Variants in CLIP2 observed in about 807,000 individuals in gnomAD.
CLIP2 encodes the protein CAP-Gly domain-containing linker protein 2.
CLIP2 carries 41 observed loss-of-function variants against 111.7 expected under a neutral mutation model. The observed-to-expected ratio is 0.37, with a 90% CI of 0.29 to 0.48. The LOEUF (loss-of-function observed/expected upper bound fraction) is 0.48, where lower values mean the gene tolerates loss of function less well. Among genes scored for constraint, CLIP2 ranks in the 20% least tolerant of loss-of-function variants. The pLI is 0.99. For synonymous variants in CLIP2, 660 were observed against 644.2 expected, an observed-to-expected ratio of 1.02 and a Z score of -0.37; for missense variants, 1,160 against 1,422.1, an observed-to-expected ratio of 0.82 and a Z score of 2.96.
chr7:74,384,301 T>C (rs960615187), intron 11 of CLIP2, among the ~76,000 whole-genome samples: 23 of 152,162 alleles, frequency 1.5e-4, no homozygotes, highest in African/African-American at 5.5e-4. Flanking sequence ...ATTCCTCAGC[T>C]GATGGGCATT....
chr7:74,291,464 C>T lies in CLIP2; in HGVS notation c.-68+1730C>T, dbSNP rs139443446. Among the ~76,000 whole-genome samples the T allele has an allele frequency of 1.6e-3, 250 of 152,364 alleles. 1 individual carries two copies. Among genetic ancestry groups the T allele is most frequent in the African/African-American group, 3.8e-3 (160 of 41,598 alleles). On this transcript the variant is annotated intron_variant, in intron 1 of 16. Coordinates refer to ENST00000223398, the MANE Select transcript of CLIP2 (RefSeq NM_003388.5). ...AACAGCCCGGGTTCAAATCCCAGCT[C>T]TGCCACTCCCTAGCTATGTGACCTT...
intron 2 of CLIP2, among the ~76,000 whole-genome samples, chr7:74,324,279 C>T (rs1411447107): frequency 2.0e-5 from 3 of 152,132 alleles, no homozygotes; most frequent in African/African-American, 7.2e-5. Flanking sequence ...GGTGTGAGCC[C>T]CCGTTCCTGG....
chr7:74,378,650 G>A (rs1283781542), intron 10 of CLIP2, among the ~76,000 whole-genome samples: 3 of 152,198 alleles, frequency 2.0e-5, no homozygotes, highest in Non-Finnish European at 4.4e-5. Context: ...TGAGGCAAGA[G>A]GATCACTTGA....
intron 2 of CLIP2, among the ~76,000 whole-genome samples, chr7:74,327,484 C>T (rs1789147231): frequency 2.0e-5 from 3 of 152,172 alleles, no homozygotes; most frequent in Non-Finnish European, 4.4e-5. Flanking sequence ...CTGAAGTGCC[C>T]GAGGTGGGGC....
intron 3 of CLIP2, among the ~76,000 whole-genome samples, chr7:74,348,958 G>T (rs1554306953): frequency 6.7e-6 from 1 of 149,630 alleles, no homozygotes; most frequent in African/African-American, 2.5e-5. Flanking sequence ...ACCAGCCTGG[G>T]CAACATGGTG....
At chr7:74,308,491 AGTTT>A (rs1452938076) in intron 1 of CLIP2, among the ~76,000 whole-genome samples, 7 of 151,898 alleles carry the variant, frequency 4.6e-5, no homozygotes, top group African/African-American at 1.7e-4. Context: ...TTCATAATCT[AGTTT>A]GTTTATTTAT....
intron 10 of CLIP2, chr7:74,380,026 A>AT (rs1431680123): frequency 6.6e-6 from 1 of 152,184 alleles, no homozygotes; most frequent in Non-Finnish European, 1.5e-5. Context: ...GGCTTAGTTC[A>AT]TTACAACTAA....
chr7:74,338,705 G>A lies in CLIP2; in HGVS notation c.379G>A (p.Val127Met). Reference protein sequence around the residue: ...VGKNDGAVGGVRYFECPALQG... With the variant: ...VGKNDGAVGGMRYFECPALQG... ...CAAGAATGATGGCGCGGTGGGCGGC[G>A]TGCGCTACTTCGAGTGCCCGGCCCT... Residue 127 changes from valine (V) to methionine (M), a missense_variant, in exon 3 of 17, where the codon GTG becomes ATG. Physicochemically the swap from Val to Met is conservative, Grantham distance 21. Transcript: ENST00000223398. This position sits in a 1 kb window ranked among gnomAD's most constrained non-coding sequence, Gnocchi z 4.3. 6.3e-7 allele frequency: 1 copy of A among 1,587,166 alleles called. No individual in the cohort carries two copies. The highest frequency in any genetic ancestry group is 1.8e-5 in the Admixed American group (1 of 56,638).
In CLIP2 at chr7:74,338,440, C is replaced by T; in HGVS notation, c.122-8C>T. ...CACCTCTTTCCCTTTCCCTCTCCTTCTCTGCAGGCTCCCCACTGCACAAAC... is the reference window on the plus strand; with the variant it reads ...CACCTCTTTCCCTTTCCCTCTCCTTTTCTGCAGGCTCCCCACTGCACAAAC... On this transcript the variant is annotated splice_polypyrimidine_tract_variant and splice_region_variant and intron_variant, in intron 2 of 16. Coordinates refer to ENST00000223398, the MANE Select transcript of CLIP2 (RefSeq NM_003388.5). The surrounding 1 kb of genome is among the most constrained non-coding windows in gnomAD (Gnocchi z 4.3). 6.2e-7 allele frequency: 1 copy of T among 1,611,626 alleles called. No homozygotes were observed. The highest frequency in any genetic ancestry group is 8.5e-7 in the Non-Finnish European group (1 of 1,179,358).
rs1273202716 is a variant in CLIP2, at chr7:74,364,441, G to T, written c.1380+126G>T. On this transcript the variant is annotated intron_variant, in intron 8 of 16. Transcript: ENST00000223398. ...CGGGGAAGGGGCTGGGGGGGAAAAT[G>T]GGGAAGGATCAAAGGTCTGATGTCT... 9 of 777,424 alleles carry T rather than the reference G, an allele frequency of 1.2e-5. No homozygotes were observed. The African/African-American group carries it at 1.4e-4, about 12-fold the overall frequency. The allele number at this position is 777,424 out of a possible 1,614,324, so 48.2% of individuals were successfully genotyped here.
Position 74,359,663 on chromosome 7 carries a change from A to T in CLIP2, c.1216-512A>T, listed in dbSNP as rs535705883. Among the ~76,000 whole-genome samples, 15 of 152,110 alleles carry T rather than the reference A, an allele frequency of 9.9e-5. No individual in the cohort carries two copies. In the East Asian group the frequency reaches 2.9e-3, roughly 29 times the overall value. On this transcript the variant is annotated intron_variant, in intron 6 of 16. Transcript: ENST00000223398. ...AGCCACTGCACCCGGCCCATTTCAG[A>T]TTATTTTTTTGAGCAGATTCTAGGG...
At chr7:74,335,270 C>CAA (rs36136697) in intron 2 of CLIP2, among the ~76,000 whole-genome samples, 63,989 of 99,262 alleles carry the variant, frequency 0.64, 20,254 homozygotes, top group Middle Eastern at 0.76. Context: ...GACTCCATCT[C>CAA]AAAAAAAAAA....
At chr7:74,310,017 T>C (rs1788601085) in intron 1 of CLIP2, among the ~76,000 whole-genome samples, 1 of 92,518 alleles carries the variant, frequency 1.1e-5, no homozygotes, top group Non-Finnish European at 2.1e-5. Context: ...TTGGGCAATA[T>C]GGCAAGACCC....
intron 13 of CLIP2, among the ~76,000 whole-genome samples, chr7:74,391,322 A>G (rs1481365560): frequency 1.3e-5 from 2 of 152,200 alleles, no homozygotes; most frequent in Admixed American, 6.6e-5. Context: ...GAAAAAACCT[A>G]TTGTATTCTG....
intron 2 of CLIP2, among the ~76,000 whole-genome samples, chr7:74,327,723 G>T (rs1789155600): frequency 6.6e-6 from 1 of 152,174 alleles, no homozygotes; most frequent in African/African-American, 2.4e-5. Context: ...TGTGGCTGGT[G>T]GGGGTGGGGG....
chr7:74,327,705 C>T (rs761532181), intron 2 of CLIP2, among the ~76,000 whole-genome samples: 6 of 152,192 alleles, frequency 3.9e-5, no homozygotes, highest in Non-Finnish European at 8.8e-5. Context: ...AAGCCAAGCC[C>T]GCTCTTCTGT....
chr7:74,294,063 C>T (rs887315242), intron 1 of CLIP2, among the ~76,000 whole-genome samples: 7 of 152,062 alleles, frequency 4.6e-5, no homozygotes, highest in East Asian at 1.9e-4. Flanking sequence ...ATTACAGGCA[C>T]GCGCCACCAC....
At chr7:74,324,905 C>T (rs560697046) in intron 2 of CLIP2, among the ~76,000 whole-genome samples, 25 of 151,782 alleles carry the variant, frequency 1.6e-4, no homozygotes, top group Non-Finnish European at 2.5e-4. Context: ...GTTGGCCCTT[C>T]GGGCTCCCTC....
intron 1 of CLIP2, among the ~76,000 whole-genome samples, chr7:74,298,519 ATTTAT>A (rs1251622725): frequency 6.7e-6 from 1 of 149,330 alleles, no homozygotes; most frequent in Non-Finnish European, 1.5e-5. Context: ...CTCTATTTTT[ATTTAT>A]TTTATTTTAT....
Sources: allele counts gnomAD v4.1 joint callset (sites outside exome capture counted in the v4.1 genomes callset), GRCh38; gene constraint gnomAD v4.1.1; non-coding constraint Gnocchi (gnomAD v3.1); transcripts MANE v1.5; gene names NCBI Gene and HGNC (gene_info 2026-07-23, HGNC 2026-07-21).